The following CRYBG1 variants were observed in gnomAD, a reference collection of about 807,000 sequenced individuals.
CRYBG1 encodes crystallin beta-gamma domain containing 1.
Under a neutral mutation model 189.2 loss-of-function variants are expected in CRYBG1, and 139 were observed. That is an observed-to-expected ratio of 0.73 (90% confidence interval 0.64 to 0.85). The LOEUF (loss-of-function observed/expected upper bound fraction) is 0.85, where lower values mean the gene tolerates loss of function less well. Ranked by LOEUF, CRYBG1 falls within the 40% of genes least tolerant of loss-of-function variation. CRYBG1 has a pLI of 0.00. For missense variants in CRYBG1, 2,611 were observed against 2,675.8 expected (o/e 0.98, Z 0.53); for synonymous variants, 1,023 against 1,017.1 (o/e 1.01, Z -0.11).
At chr6:106,507,630 G>C (rs1310893232) in intron 2 of CRYBG1, among the ~76,000 whole-genome samples, 3 of 152,180 alleles carry the variant, frequency 2.0e-5, no homozygotes, top group Non-Finnish European at 4.4e-5. Flanking sequence ...AGACCCAAAG[G>C]CTCAAACCTA....
rs1303240631 is a variant in CRYBG1, at chr6:106,360,887, G to A, written c.-22G>A. On this transcript the variant is annotated 5_prime_UTR_variant, in exon 1 of 22. Coordinates refer to ENST00000633556, the MANE Select transcript of CRYBG1 (RefSeq NM_001371242.2). ...CAGAGAGGACCGCGTCCCGGCAGTC[G>A]GAGCGGGAGGAGGACAAGACGATGC... 2 of 1,512,710 alleles carry A rather than the reference G, an allele frequency of 1.3e-6. No individual in the cohort carries two copies. The highest frequency in any genetic ancestry group is 1.8e-6 in the Non-Finnish European group (2 of 1,134,694). 93.7% of individuals were successfully genotyped at this position (1,512,710 alleles called of 1,614,324 possible).
chr6:106,563,835 G>T lies in CRYBG1; in HGVS notation c.6210G>T (p.Leu2070=). 6.2e-7 allele frequency: 1 copy of T among 1,613,884 alleles called. No homozygotes were observed. Among genetic ancestry groups the T allele is most frequent in the Non-Finnish European group, 8.5e-7 (1 of 1,179,754 alleles). The change falls in exon 21 of 22, where the codon CTG becomes CTT. Residue 2070 remains leucine, a synonymous_variant. Transcript: ENST00000633556. ...VTSGSKLGLA[L]DQNADSQFWS... is the part of the protein sequence containing the mutation. ...CTGGCTCCAAGCTAGGCCTGGCCCT[G>T]GACCAGAATGCTGACAGCCAGTTCT...
chr6:106,521,287 C>G lies in CRYBG1; in HGVS notation c.4079C>G (p.Ser1360Ter). Residue 1360 changes from serine (S) to a stop codon, truncating the protein, a stop_gained, in exon 4 of 22, where the codon TCA becomes TGA. Coordinates refer to ENST00000633556, the MANE Select transcript of CRYBG1 (RefSeq NM_001371242.2). LOFTEE classifies it high-confidence loss of function. ...CCAGAAACTAAATTTTCTGAATTGTCAAAACTGAAGAATGATGATATGGAA... is the reference window on the plus strand; with the variant it reads ...CCAGAAACTAAATTTTCTGAATTGTGAAAACTGAAGAATGATGATATGGAA... ...HLPETKFSELSKLKNDDMEKA... is the reference protein window; with the variant it reads ...HLPETKFSEL 1 of 1,613,946 alleles carries G rather than the reference C, an allele frequency of 6.2e-7. No homozygotes were observed. Among genetic ancestry groups the G allele is most frequent in the Non-Finnish European group, 8.5e-7 (1 of 1,179,994 alleles).
intron 2 of CRYBG1, among the ~76,000 whole-genome samples, chr6:106,460,307 TAC>T (rs1771984398): frequency 6.6e-6 from 1 of 152,182 alleles, no homozygotes; most frequent in African/African-American, 2.4e-5. Context: ...AGCTCTTTTG[TAC>T]ACTTATTGGC....
intron 15 of CRYBG1, 154 bp downstream of exon 15, chr6:106,552,370 G>C (rs1216241361): frequency 4.5e-6 from 2 of 441,094 alleles, no homozygotes; most frequent in African/African-American, 2.1e-5. Flanking sequence ...TGGATCACTT[G>C]AGCTCAGGAG....
intron 1 of CRYBG1, among the ~76,000 whole-genome samples, chr6:106,381,192 T>C (rs1373370664): frequency 1.3e-5 from 2 of 152,234 alleles, no homozygotes; most frequent in African/African-American, 4.8e-5. Context: ...ATTTAACTAA[T>C]GACAAAAATT....
At chr6:106,499,831 A>T (rs1208922363) in intron 2 of CRYBG1, among the ~76,000 whole-genome samples, 1 of 151,954 alleles carries the variant, frequency 6.6e-6, no homozygotes, top group African/African-American at 2.4e-5. Context: ...ACTTCCCCCA[A>T]CTCACAGCCT....
At chr6:106,480,847 C>G (rs1471622874) in intron 2 of CRYBG1, among the ~76,000 whole-genome samples, 1 of 146,478 alleles carries the variant, frequency 6.8e-6, no homozygotes, top group Non-Finnish European at 1.5e-5. Context: ...TGGTGCATGC[C>G]TGTAATCCAG....
At chr6:106,373,311 A>G (rs909177286) in intron 1 of CRYBG1, among the ~76,000 whole-genome samples, 2 of 152,166 alleles carry the variant, frequency 1.3e-5, no homozygotes, top group East Asian at 1.9e-4. Context: ...CTGATTTCCA[A>G]TCTAGCCACA....
chr6:106,520,814 C>T lies in CRYBG1; in HGVS notation c.3606C>T (p.Ser1202=), dbSNP rs779978674. The T allele has an allele frequency of 3.0e-5, 48 of 1,613,968 alleles. No homozygotes were observed. The East Asian group carries it at 8.9e-4, about 30-fold the overall frequency. ...ASAEQSVLFK[S]LHTNTNGNSE... ...CTGAACAGAGCGTCCTCTTCAAGTC[C>T]CTGCACACCAACACTAATGGGAACA... Residue 1202 remains serine (S), a synonymous_variant, in exon 4 of 22, where the codon TCC becomes TCT. Coordinates refer to ENST00000633556, the MANE Select transcript of CRYBG1 (RefSeq NM_001371242.2).
At chr6:106,445,993 A>G (rs1301480726) in intron 1 of CRYBG1, among the ~76,000 whole-genome samples, 3 of 152,188 alleles carry the variant, frequency 2.0e-5, no homozygotes, top group Admixed American at 1.3e-4. Flanking sequence ...TTCCAGTACC[A>G]TGTACATGGG....
At position 106,519,768 on chromosome 6, in the gene CRYBG1, A is replaced by C; in HGVS notation, c.2560A>C (p.Lys854Gln). 1 of 1,614,206 alleles carries C rather than the reference A, an allele frequency of 6.2e-7. No individual in the cohort carries two copies. Reference sequence around the variant, plus strand: ...AGATTTACCTCCAACGGCCATGCCAAAGCCACAGCATACATTTTCTGACTC... The same window carrying C: ...AGATTTACCTCCAACGGCCATGCCACAGCCACAGCATACATTTTCTGACTC... ...TKDLPPTAMPKPQHTFSDSQS... is the reference protein window; with the variant it reads ...TKDLPPTAMPQPQHTFSDSQS... Residue 854 changes from lysine (K) to glutamine (Q), a missense_variant, in exon 4 of 22, where the codon AAG becomes CAG. Physicochemically the swap from Lys to Gln is moderately conservative, Grantham distance 53. Around this residue, in one of 3 missense-constraint regions of CRYBG1, gnomAD observed 1,622 missense variants for 1,735.0 expected, o/e 0.93. Transcript: ENST00000633556.
chr6:106,404,490 A>G (rs1341953443), intron 1 of CRYBG1, among the ~76,000 whole-genome samples: 1 of 152,196 alleles, frequency 6.6e-6, no homozygotes, highest in Non-Finnish European at 1.5e-5. Flanking sequence ...CATAAAAAGA[A>G]ATATTCTATC....
rs1393203266 is a variant in CRYBG1, at chr6:106,521,075, G to C, written c.3867G>C (p.Glu1289Asp). 1 of 1,614,020 alleles carries C rather than the reference G, an allele frequency of 6.2e-7. No homozygotes were observed. The highest frequency in any genetic ancestry group is 8.5e-7 in the Non-Finnish European group (1 of 1,180,028). ...CTTCAGTGTCACAGCCCACGACTGA[G>C]GGTGCCCCGCCCTGTGGTTTGAACA... ...SQSSVSQPTTEGAPPCGLNKE... is the reference protein window; with the variant it reads ...SQSSVSQPTTDGAPPCGLNKE... Residue 1289 changes from glutamate (E) to aspartate (D), a missense_variant, in exon 4 of 22, where the codon GAG (glutamate) becomes GAC (aspartate). Coordinates refer to ENST00000633556, the MANE Select transcript of CRYBG1 (RefSeq NM_001371242.2).
rs142488737 is a variant in CRYBG1, at chr6:106,436,639, C to A, written c.174-15055C>A. On this transcript the variant is annotated intron_variant, in intron 1 of 21. Transcript: ENST00000633556. ...ACTTACCATTATATCACAAGCTTTG[C>A]CCCCATGACTTAAAGGATAAATGGC... is the stretch of plus-strand genomic sequence containing the variant. Among the ~76,000 whole-genome samples, 694 of 149,600 alleles carry A rather than the reference C, an allele frequency of 4.6e-3. 5 individuals are homozygous for A. Among genetic ancestry groups the A allele is most frequent in the African/African-American group, 0.016 (655 of 40,490 alleles).
chr6:106,452,977 G>A (rs548521515), intron 2 of CRYBG1, among the ~76,000 whole-genome samples: 2 of 152,284 alleles, frequency 1.3e-5, no homozygotes, highest in African/African-American at 4.8e-5. Context: ...TGAAAGAAAT[G>A]CTCTCCTCCA....
intron 1 of CRYBG1, among the ~76,000 whole-genome samples, chr6:106,415,135 T>C (rs1242343109): frequency 1.4e-4 from 21 of 152,184 alleles, no homozygotes. Flanking sequence ...AAGTCAAAAC[T>C]GGCAGAATGT....
At chr6:106,442,055 A>G (rs1371900613) in intron 1 of CRYBG1, among the ~76,000 whole-genome samples, 1 of 152,222 alleles carries the variant, frequency 6.6e-6, no homozygotes, top group Non-Finnish European at 1.5e-5. Context: ...ATAAAAGAAT[A>G]TATTGAATAG....
At chr6:106,528,092 T>TGG (rs1195547149) in intron 7 of CRYBG1, among the ~76,000 whole-genome samples, 1 of 152,196 alleles carries the variant, frequency 6.6e-6, no homozygotes, top group African/African-American at 2.4e-5. Flanking sequence ...TCCCAAGTTT[T>TGG]AATGGAGACG....
Sources: allele counts gnomAD v4.1 joint callset (sites outside exome capture counted in the v4.1 genomes callset), GRCh38; gene constraint gnomAD v4.1.1; regional missense constraint gnomAD v4.1.1; transcripts MANE v1.5; gene names NCBI Gene and HGNC (gene_info 2026-07-23, HGNC 2026-07-21).